Variants in GALNT13 observed in about 807,000 individuals in gnomAD.
GALNT13 encodes the protein UDP-GalNAc:polypeptide N-acetylgalactosaminyltransferase 13.
A neutral mutation model predicts 64.2 loss-of-function variants in GALNT13; 28 were observed. That is an observed-to-expected ratio of 0.44 (90% CI 0.32 to 0.60). GALNT13 has a LOEUF of 0.60. Among genes scored for constraint, GALNT13 ranks in the 20% least tolerant of loss-of-function variants. The probability of loss-of-function intolerance (pLI) is 0.05; values close to 1 mark genes in which losing one functional copy is unlikely to be tolerated. For missense variants in GALNT13, 577 were observed against 669.8 expected, an observed-to-expected ratio of 0.86 and a Z score of 1.53; for synonymous variants, 214 against 224.6, an observed-to-expected ratio of 0.95 and a Z score of 0.42.
Position 154,269,906 on chromosome 2 carries a change from GTATA to G in GALNT13, c.975+10784_975+10787del, listed in dbSNP as rs67387315. Reference sequence around the variant, plus strand: ...GTCATATATATATTTATATATATGTGTATATATATATATATATATTTCTAAAGCA... The same window carrying G: ...GTCATATATATATTTATATATATGTGTATATATATATATATTTCTAAAGCA... On this transcript the variant is annotated intron_variant, in intron 8 of 12. Coordinates refer to ENST00000392825, the MANE Select transcript of GALNT13 (RefSeq NM_052917.4). 3.1e-4 allele frequency among the ~76,000 whole-genome samples: 30 copies of G among 96,834 alleles called. 2 individuals are homozygous for G. The East Asian group carries it at 3.8e-3, about 12-fold the overall frequency. The allele number at this position is 96,834 out of a possible 152,430, so 63.5% of individuals were successfully genotyped here.
the GALNT13 span, among the ~76,000 whole-genome samples, chr2:153,820,495 A>G: frequency 6.6e-6 from 1 of 152,190 alleles, no homozygotes; most frequent in Non-Finnish European, 1.5e-5. Context: ...CAGATCCCAT[A>G]CAAAGGGAAC....
chr2:153,215,147 T>C, the GALNT13 span, among the ~76,000 whole-genome samples: 1 of 152,106 alleles, frequency 6.6e-6, no homozygotes, highest in South Asian at 2.1e-4. Flanking sequence ...AATTGATTCA[T>C]ATAATTTGTA....
intron 3 of GALNT13, among the ~76,000 whole-genome samples, chr2:154,057,504 AAT>A (rs1278608144): frequency 6.6e-6 from 1 of 152,210 alleles, no homozygotes; most frequent in African/African-American, 2.4e-5. Flanking sequence ...AACTAAGGTG[AAT>A]ATAATAGCCG....
chr2:154,179,322 G>A (rs1055357033), intron 4 of GALNT13, among the ~76,000 whole-genome samples: 34 of 152,110 alleles, frequency 2.2e-4, no homozygotes, highest in Admixed American at 7.2e-4. Flanking sequence ...TAAGTATTCC[G>A]TGAACAAATA....
chr2:154,298,572 A>ACATTGTATATAT (rs1249183142), intron 8 of GALNT13, among the ~76,000 whole-genome samples: 2 of 74,846 alleles, frequency 2.7e-5, no homozygotes, highest in African/African-American at 1.0e-4. Context: ...ATTTATATAT[A>ACATTGTATATAT]AATTGTATAT....
At chr2:153,281,571 G>T in the GALNT13 span, among the ~76,000 whole-genome samples, 85 of 152,214 alleles carry the variant, frequency 5.6e-4, no homozygotes, top group African/African-American at 2.0e-3. Context: ...GAGAATTCTT[G>T]TAAGGCTGGT....
chr2:153,989,225 A>C (rs558505833), intron 3 of GALNT13, among the ~76,000 whole-genome samples: 1 of 152,062 alleles, frequency 6.6e-6, no homozygotes, highest in East Asian at 1.9e-4. Context: ...TTTTTGGCCT[A>C]TATAATCTAG....
the GALNT13 span, among the ~76,000 whole-genome samples, chr2:153,576,991 T>C: frequency 2.0e-5 from 3 of 152,294 alleles, no homozygotes; most frequent in East Asian, 5.8e-4. Context: ...TTGTTTTACT[T>C]TTCACATTTA....
At chr2:153,996,968 A>G (rs1695561966) in intron 3 of GALNT13, among the ~76,000 whole-genome samples, 1 of 152,040 alleles carries the variant, frequency 6.6e-6, no homozygotes, top group Admixed American at 6.6e-5. Context: ...CCTTTGTAAA[A>G]AGACAGTTTA....
At chr2:154,288,760 C>T (rs1039893820) in intron 8 of GALNT13, among the ~76,000 whole-genome samples, 5 of 152,314 alleles carry the variant, frequency 3.3e-5, no homozygotes, top group South Asian at 2.1e-4. Context: ...CATGGTCTTG[C>T]GCAGCTCCAC....
the GALNT13 span, among the ~76,000 whole-genome samples, chr2:153,697,049 G>A: frequency 2.0e-5 from 3 of 152,020 alleles, no homozygotes; most frequent in African/African-American, 4.8e-5. Context: ...AAGCCTTTAT[G>A]TGTTTCCCTG....
the GALNT13 span, among the ~76,000 whole-genome samples, chr2:153,327,642 T>C: frequency 4.0e-4 from 61 of 152,064 alleles, no homozygotes; most frequent in African/African-American, 1.4e-3. Flanking sequence ...TTCAGCTCCA[T>C]TAGATCATTT....
At chr2:153,136,835 T>A in the GALNT13 span, among the ~76,000 whole-genome samples, 1 of 80,246 alleles carries the variant, frequency 1.2e-5, no homozygotes, top group African/African-American at 3.3e-5. Context: ...TTATTTACAC[T>A]ATGGTGTTTG....
At chr2:153,949,911 G>A (rs1692047467) in intron 3 of GALNT13, among the ~76,000 whole-genome samples, 2 of 152,178 alleles carry the variant, frequency 1.3e-5, no homozygotes, top group Non-Finnish European at 2.9e-5. Context: ...GGCAATCCAT[G>A]TGGAAAGAGA....
the GALNT13 span, among the ~76,000 whole-genome samples, chr2:153,307,844 A>C: frequency 6.6e-6 from 1 of 152,186 alleles, no homozygotes; most frequent in Non-Finnish European, 1.5e-5. Context: ...TCAGGGACCT[A>C]TCTCAAATTG....
chr2:153,209,425 T>G, the GALNT13 span, among the ~76,000 whole-genome samples: 1 of 152,222 alleles, frequency 6.6e-6, no homozygotes, highest in Non-Finnish European at 1.5e-5. Flanking sequence ...TTGTTAAAAT[T>G]GAATCTTTTT....
At chr2:153,176,437 C>T in the GALNT13 span, among the ~76,000 whole-genome samples, 5 of 151,850 alleles carry the variant, frequency 3.3e-5, no homozygotes, top group Admixed American at 6.6e-5. Context: ...TAATGATTAA[C>T]GTTAAAGAGA....
chr2:154,042,931 T>A (rs1008777499), intron 3 of GALNT13, among the ~76,000 whole-genome samples: 1 of 152,044 alleles, frequency 6.6e-6, no homozygotes, highest in Non-Finnish European at 1.5e-5. Context: ...CAAACAATTG[T>A]AAGTGCTATG....
intron 9 of GALNT13, among the ~76,000 whole-genome samples, chr2:154,305,025 G>A (rs986056966): frequency 4.6e-5 from 7 of 152,154 alleles, no homozygotes; most frequent in African/African-American, 1.4e-4. Flanking sequence ...AAGAATGGAC[G>A]CAGGCTAGAA....
Sources: gnomAD v4.1 joint callset for allele counts (sites outside exome capture counted in the v4.1 genomes callset) on GRCh38, gnomAD v4.1.1 for gene constraint, MANE v1.5 for transcripts, NCBI Gene and HGNC (gene_info 2026-07-23, HGNC 2026-07-21) for gene names.